The following CSMD1 variants were observed in gnomAD, a reference collection of about 807,000 sequenced individuals.
CSMD1 encodes the protein CUB and Sushi multiple domains 1.
Under a neutral mutation model 417.5 loss-of-function variants are expected in CSMD1, and 213 were observed. The ratio of observed to expected loss-of-function variants is 0.51; its 90% confidence interval spans 0.46 to 0.57. CSMD1 has a LOEUF of 0.57. CSMD1 is among the 20% of genes least tolerant of loss of function. The pLI, the probability that CSMD1 is intolerant of heterozygous loss-of-function variation, is 0.00. For missense variants in CSMD1, 6,923 were observed against 4,529.7 expected, an observed-to-expected ratio of 1.53 and a Z score of -15.17; for synonymous variants, 2,862 against 1,736.8, an observed-to-expected ratio of 1.65 and a Z score of -16.11.
chr8:4,118,419 A>G (rs754058118), intron 3 of CSMD1, among the ~76,000 whole-genome samples: 4 of 152,154 alleles, frequency 2.6e-5, no homozygotes, highest in East Asian at 3.9e-4. Flanking sequence ...AAAAAATCAA[A>G]AAGTATACAA....
At chr8:4,181,301 A>G (rs1798357832) in intron 3 of CSMD1, among the ~76,000 whole-genome samples, 1 of 152,216 alleles carries the variant, frequency 6.6e-6, no homozygotes, top group Non-Finnish European at 1.5e-5. Flanking sequence ...TAAAACAATA[A>G]TGATTTATGA....
intron 5 of CSMD1, among the ~76,000 whole-genome samples, chr8:3,811,810 C>T (rs1801104845): frequency 6.6e-6 from 1 of 152,184 alleles, no homozygotes; most frequent in East Asian, 1.9e-4. Context: ...TACACTGCTT[C>T]AGCAACTTTA....
At chr8:3,897,578 A>C (rs1204314169) in intron 5 of CSMD1, among the ~76,000 whole-genome samples, 1 of 152,178 alleles carries the variant, frequency 6.6e-6, no homozygotes, top group African/African-American at 2.4e-5. Context: ...CTCAGTAAAA[A>C]AAAAAAGGCT....
intron 12 of CSMD1, among the ~76,000 whole-genome samples, chr8:3,463,664 G>C (rs894107177): frequency 3.9e-5 from 6 of 152,162 alleles, no homozygotes; most frequent in Admixed American, 2.0e-4. Flanking sequence ...CATTGCACTT[G>C]GACGCTGTTC....
At chr8:4,629,516 G>T (rs891503920) in intron 2 of CSMD1, among the ~76,000 whole-genome samples, 2 of 152,254 alleles carry the variant, frequency 1.3e-5, no homozygotes, top group East Asian at 1.9e-4. Flanking sequence ...CAAATTAAGA[G>T]AAACAATTCT....
chr8:3,439,309 A>ATATATATATATATATATATATTTTT, intron 12 of CSMD1, among the ~76,000 whole-genome samples: 30 of 62,440 alleles, frequency 4.8e-4, no homozygotes, highest in South Asian at 7.5e-4. Flanking sequence ...ATATATATAT[A>ATATATATATATATATATATATTTTT]TTTTTTTTTT....
At chr8:4,449,728 G>C (rs377482499) in intron 2 of CSMD1, among the ~76,000 whole-genome samples, 2 of 152,178 alleles carry the variant, frequency 1.3e-5, no homozygotes, top group South Asian at 2.1e-4. Context: ...TGCCAGAATA[G>C]GGTCGGGTGT....
At chr8:3,212,894 A>G (rs1275503414) in intron 30 of CSMD1, among the ~76,000 whole-genome samples, 1 of 150,392 alleles carries the variant, frequency 6.6e-6, no homozygotes, top group Non-Finnish European at 1.5e-5. Context: ...TAATGGCACA[A>G]TCTCAGCTTC....
At chr8:4,138,287 T>G (rs547040960) in intron 3 of CSMD1, among the ~76,000 whole-genome samples, 1 of 150,418 alleles carries the variant, frequency 6.6e-6, no homozygotes, top group African/African-American at 2.5e-5. Flanking sequence ...AATGGCAAGA[T>G]GCAGGTTTCA....
At chr8:3,155,875 T>TTTTG (rs144154592) in intron 39 of CSMD1, among the ~76,000 whole-genome samples, 1,753 of 152,320 alleles carry the variant, frequency 0.012, 37 homozygotes, top group African/African-American at 0.039. Flanking sequence ...GGCTGAAGTT[T>TTTTG]TTTGTTTTAC....
intron 39 of CSMD1, among the ~76,000 whole-genome samples, chr8:3,154,496 A>G (rs1440375509): frequency 6.6e-6 from 1 of 152,162 alleles, no homozygotes; most frequent in Non-Finnish European, 1.5e-5. Context: ...TAGAGACCTT[A>G]TATTTTACTG....
chr8:3,921,948 G>T (rs75594436), intron 5 of CSMD1, among the ~76,000 whole-genome samples: 248 of 152,232 alleles, frequency 1.6e-3, no homozygotes, highest in African/African-American at 5.6e-3. Flanking sequence ...TTGATTTGAT[G>T]TCTGGATGAC....
At chr8:4,033,350 G>A (rs916412750) in intron 3 of CSMD1, among the ~76,000 whole-genome samples, 16 of 152,234 alleles carry the variant, frequency 1.1e-4, no homozygotes, top group Non-Finnish European at 2.1e-4. Flanking sequence ...GCTGAGGCAG[G>A]AGAATGGCGT....
chr8:4,882,303 A>T (rs1232755161), intron 1 of CSMD1, among the ~76,000 whole-genome samples: 2 of 151,646 alleles, frequency 1.3e-5, no homozygotes, highest in African/African-American at 4.9e-5. Context: ...GCTGAATGGC[A>T]TACGGCAGAC....
chr8:3,752,698 A>AAAC (rs1797415847), intron 6 of CSMD1, among the ~76,000 whole-genome samples: 1 of 117,754 alleles, frequency 8.5e-6, no homozygotes, highest in African/African-American at 3.1e-5. Context: ...AAAAAAAAAA[A>AAAC]AAAAAACATA....
chr8:3,651,608 C>G (rs1423366825), intron 7 of CSMD1, among the ~76,000 whole-genome samples: 1 of 152,140 alleles, frequency 6.6e-6, no homozygotes, highest in Non-Finnish European at 1.5e-5. Flanking sequence ...CCCCCCTGCA[C>G]TCATTGTCCT....
At chr8:3,141,997 C>A (rs1348733039) in intron 41 of CSMD1, among the ~76,000 whole-genome samples, 1 of 152,080 alleles carries the variant, frequency 6.6e-6, no homozygotes, top group Non-Finnish European at 1.5e-5. Context: ...CGGGGTTTCA[C>A]CGTGTTAGCC....
chr8:4,249,894 A>T (rs1802950216), intron 3 of CSMD1, among the ~76,000 whole-genome samples: 1 of 152,176 alleles, frequency 6.6e-6, no homozygotes. Flanking sequence ...CCAATGAGGC[A>T]GTGCTAGAAG....
chr8:4,470,839 CTTCT>C (rs1440500839), intron 2 of CSMD1, among the ~76,000 whole-genome samples: 2 of 152,050 alleles, frequency 1.3e-5, no homozygotes, highest in Non-Finnish European at 1.5e-5. Context: ...TGTCTCTGGG[CTTCT>C]TTGATTTTTT....
Sources: gnomAD v4.1 joint callset for allele counts (sites outside exome capture counted in the v4.1 genomes callset) on GRCh38, gnomAD v4.1.1 for gene constraint, MANE v1.5 for transcripts, NCBI Gene and HGNC (gene_info 2026-07-23, HGNC 2026-07-21) for gene names.